Variants in LYPLAL1 observed in about 807,000 individuals in gnomAD.
LYPLAL1 encodes the protein lysophospholipase like 1.
Under a neutral mutation model 19.7 loss-of-function variants are expected in LYPLAL1, and 23 were observed. The observed-to-expected ratio is 1.17, with a 90% CI of 0.84 to 1.65. The LOEUF is 1.65. Among genes scored for constraint, LYPLAL1 ranks in the 40% most tolerant of loss-of-function variants. The pLI, the probability that LYPLAL1 is intolerant of heterozygous loss-of-function variation, is 0.00. For missense variants in LYPLAL1, 355 were observed against 279.4 expected (o/e 1.27, Z -1.93); for synonymous variants, 119 against 96.3 (o/e 1.24, Z -1.38).
the LYPLAL1 span, among the ~76,000 whole-genome samples, chr1:219,240,739 A>G: frequency 1.3e-5 from 2 of 152,172 alleles, no homozygotes; most frequent in East Asian, 1.9e-4. Context: ...ACAGTACACT[A>G]TAGTTGAGTT....
chr1:219,361,831 C>A, the LYPLAL1 span, among the ~76,000 whole-genome samples: 3 of 152,126 alleles, frequency 2.0e-5, no homozygotes, highest in Non-Finnish European at 4.4e-5. Context: ...GAGAGAACTT[C>A]TGATTTTAAA....
At chr1:219,362,302 CAAAT>C in the LYPLAL1 span, among the ~76,000 whole-genome samples, 1 of 152,076 alleles carries the variant, frequency 6.6e-6, no homozygotes, top group African/African-American at 2.4e-5. Flanking sequence ...TGATCTTAGA[CAAAT>C]AACCTCTTGA....
chr1:219,373,882 C>CAAAAAAAAA, the LYPLAL1 span, among the ~76,000 whole-genome samples: 3 of 119,592 alleles, frequency 2.5e-5, no homozygotes, highest in Non-Finnish European at 3.5e-5. Context: ...AAAAAAAAAA[C>CAAAAAAAAA]AAAAAAAAAA....
At chr1:219,203,402 A>G (rs561124018) in intron 3 of LYPLAL1, among the ~76,000 whole-genome samples, 3 of 152,228 alleles carry the variant, frequency 2.0e-5, no homozygotes, top group African/African-American at 7.2e-5. Flanking sequence ...CAAATTGTCA[A>G]TAAAATGTTA....
intron 3 of LYPLAL1, among the ~76,000 whole-genome samples, chr1:219,205,374 A>AC (rs1366736896): frequency 3.3e-5 from 5 of 151,364 alleles, no homozygotes; most frequent in Non-Finnish European, 7.4e-5. Flanking sequence ...AAAAAAAAAA[A>AC]AAAACAAAAA....
At chr1:219,235,923 A>G in the LYPLAL1 span, among the ~76,000 whole-genome samples, 202 of 152,292 alleles carry the variant, frequency 1.3e-3, no homozygotes, top group Middle Eastern at 6.8e-3. Flanking sequence ...TGTTTCAACA[A>G]TATTGTTTTC....
the LYPLAL1 span, among the ~76,000 whole-genome samples, chr1:219,375,419 T>C: frequency 1.4e-5 from 2 of 139,120 alleles, no homozygotes; most frequent in Admixed American, 1.6e-4. Context: ...TGAGCCAGGA[T>C]CGCAGCACTG....
chr1:219,189,159 C>CT (rs1269801830), intron 2 of LYPLAL1, among the ~76,000 whole-genome samples: 2 of 151,592 alleles, frequency 1.3e-5, no homozygotes, highest in Non-Finnish European at 3.0e-5. Flanking sequence ...GTGAATGCCA[C>CT]TTTTTTCCAT....
At chr1:219,279,267 A>G in the LYPLAL1 span, among the ~76,000 whole-genome samples, 1 of 152,180 alleles carries the variant, frequency 6.6e-6, no homozygotes, top group East Asian at 1.9e-4. Context: ...ATGGCATAGT[A>G]GGTACCAATG....
At chr1:219,253,241 G>C in the LYPLAL1 span, among the ~76,000 whole-genome samples, 2 of 151,586 alleles carry the variant, frequency 1.3e-5, no homozygotes, top group Non-Finnish European at 2.9e-5. Flanking sequence ...ACAACTCCTG[G>C]ATTTATTGAT....
At chr1:219,232,436 A>C in the LYPLAL1 span, among the ~76,000 whole-genome samples, 4 of 152,184 alleles carry the variant, frequency 2.6e-5, no homozygotes, top group Admixed American at 6.5e-5. Context: ...AAATTCTTAG[A>C]AAAAAACATA....
At chr1:219,222,353 A>G in the LYPLAL1 span, 1 of 152,120 alleles carries the variant, frequency 6.6e-6, no homozygotes, top group African/African-American at 2.4e-5. Flanking sequence ...AACTCAATCT[A>G]AAAAATAAGA....
chr1:219,428,447 A>T, the LYPLAL1 span, among the ~76,000 whole-genome samples: 1 of 152,236 alleles, frequency 6.6e-6, no homozygotes, highest in Non-Finnish European at 1.5e-5. Context: ...CTCATCAGTT[A>T]AAGTGTTGTA....
intron 3 of LYPLAL1, chr1:219,193,477 C>G: frequency 3.6e-6 from 1 of 274,662 alleles, no homozygotes; most frequent in Non-Finnish European, 6.8e-6. Context: ...TTTTGAGACT[C>G]TTGTGGCAGT....
chr1:219,412,745 C>T, the LYPLAL1 span, among the ~76,000 whole-genome samples: 1 of 152,164 alleles, frequency 6.6e-6, no homozygotes. Flanking sequence ...GAGAAGTGTC[C>T]TTTGGGAGCC....
the LYPLAL1 span, among the ~76,000 whole-genome samples, chr1:219,231,250 A>C: frequency 6.6e-5 from 10 of 152,200 alleles, no homozygotes; most frequent in Non-Finnish European, 1.5e-4. Flanking sequence ...AAGAATGTAG[A>C]AAGGGTTGTT....
In LYPLAL1 at chr1:219,212,250, C is replaced by T. The variant is rs1305887909; in HGVS notation, c.*522C>T. The T allele has an allele frequency of 1.3e-5, 2 of 152,002 alleles. No homozygotes were observed. Among genetic ancestry groups the T allele is most frequent in the Non-Finnish European group, 2.9e-5 (2 of 67,964 alleles). 9.4% of individuals were successfully genotyped at this position (152,002 alleles called of 1,614,324 possible). ...ATAATAGCAATAGAGGAGTTAAAGA[C>T]TTTCCCACAGCTTGCAGGTCAAGAC... On this transcript the variant is annotated 3_prime_UTR_variant, in exon 5 of 5. Transcript: ENST00000366928.
the LYPLAL1 span, among the ~76,000 whole-genome samples, chr1:219,350,259 G>A: frequency 7.9e-5 from 12 of 151,896 alleles, no homozygotes; most frequent in Non-Finnish European, 1.8e-4. Flanking sequence ...CACTGTATAT[G>A]TTTTCAATCA....
the LYPLAL1 span, among the ~76,000 whole-genome samples, chr1:219,385,841 A>T: frequency 6.6e-6 from 1 of 152,200 alleles, no homozygotes; most frequent in Non-Finnish European, 1.5e-5. Context: ...ACTTCCAAGC[A>T]GAGAGAAATA....
Sources: allele counts gnomAD v4.1 joint callset (sites outside exome capture counted in the v4.1 genomes callset), GRCh38; gene constraint gnomAD v4.1.1; transcripts MANE v1.5; gene names NCBI Gene and HGNC (gene_info 2026-07-23, HGNC 2026-07-21).